PLXNA4: variants seen among roughly 807,000 people sequenced by gnomAD.
The protein encoded by PLXNA4 is plexin-A4.
PLXNA4 carries 44 observed loss-of-function variants against 191.8 expected under a neutral mutation model. The ratio of observed to expected loss-of-function variants is 0.23; its 90% CI spans 0.18 to 0.29. The LOEUF is 0.29. PLXNA4 is among the 10% of genes least tolerant of loss of function. The pLI is 1.00. For missense variants in PLXNA4, 1,800 were observed against 2,488.8 expected, an observed-to-expected ratio of 0.72 and a Z score of 5.89; for synonymous variants, 1,082 against 1,009.5, an observed-to-expected ratio of 1.07 and a Z score of -1.36.
rs564403627 is a variant in PLXNA4 at position 132,371,756 on chromosome 7, G to T, written c.1372-73534C>A. 7.6e-4 allele frequency among the ~76,000 whole-genome samples: 116 copies of T among 152,258 alleles called. 2 individuals are homozygous for T. Among genetic ancestry groups the T allele is most frequent in the Non-Finnish European group, 1.4e-3 (96 of 68,010 alleles). ...AACTCCTTTATCAAAGCCCATGGCT[G>T]GGCCTCTCTGATCAGCCCCTGCCTC... On this transcript the variant is annotated intron_variant, in intron 3 of 31. Transcript: ENST00000321063.
chr7:132,222,972 G>T (rs1015025040), intron 9 of PLXNA4, among the ~76,000 whole-genome samples: 5 of 152,298 alleles, frequency 3.3e-5, no homozygotes, highest in Middle Eastern at 3.4e-3. Flanking sequence ...GTTGGCCTAG[G>T]GTGGAACAGA....
chr7:132,147,928 G>C lies in PLXNA4; in HGVS notation c.4836C>G (p.Thr1612=). The change falls in exon 27 of 32, where the codon ACC becomes ACG. Residue 1612 remains threonine, a synonymous_variant. Transcript: ENST00000321063. The part of the protein sequence containing the change: ...VTAYNAVNNS[T]VSRTSASKYE... Reference sequence around the variant, plus strand: ...ATTTACTTGCTGAGGTCCTGGAGACGGTGGAGTTGTTCACTGCGTTATAGG... The same window carrying C: ...ATTTACTTGCTGAGGTCCTGGAGACCGTGGAGTTGTTCACTGCGTTATAGG... 5 of 1,614,130 alleles carry C rather than the reference G, an allele frequency of 3.1e-6. No individual in the cohort carries two copies. Among genetic ancestry groups the C allele is most frequent in the Non-Finnish European group, 4.2e-6 (5 of 1,180,028 alleles).
intron 3 of PLXNA4, among the ~76,000 whole-genome samples, chr7:132,386,632 T>C (rs1805155347): frequency 6.6e-6 from 1 of 152,202 alleles, no homozygotes; most frequent in Non-Finnish European, 1.5e-5. Context: ...CTCTCGTTAG[T>C]CAGCCTTTCC....
At chr7:132,379,260 G>T (rs1046468293) in intron 3 of PLXNA4, among the ~76,000 whole-genome samples, 3 of 152,172 alleles carry the variant, frequency 2.0e-5, no homozygotes, top group Non-Finnish European at 4.4e-5. Context: ...TGTGGGCAAG[G>T]GTGGCTGTGT....
intron 19 of PLXNA4, 65 bp downstream of exon 19, chr7:132,180,521 G>A: frequency 6.3e-7 from 1 of 1,595,780 alleles, no homozygotes; most frequent in African/African-American, 1.3e-5. Flanking sequence ...AAGCCTTGGT[G>A]GCCTGAGCTC....
intron 2 of PLXNA4, among the ~76,000 whole-genome samples, chr7:132,592,580 T>A (rs1329155388): frequency 6.6e-6 from 1 of 151,822 alleles, no homozygotes; most frequent in African/African-American, 2.4e-5. Context: ...TAAATTCTCG[T>A]TTAACGATTT....
At chr7:132,316,472 C>T (rs1801948744) in intron 3 of PLXNA4, among the ~76,000 whole-genome samples, 1 of 152,200 alleles carries the variant, frequency 6.6e-6, no homozygotes, top group African/African-American at 2.4e-5. Flanking sequence ...CCTAAACTCT[C>T]ACAAACTTCC....
intron 28 of PLXNA4, 182 bp from the exon 29 acceptor site, chr7:132,145,470 A>G (rs368866358): frequency 2.8e-5 from 22 of 788,444 alleles, no homozygotes; most frequent in East Asian, 2.2e-4. Flanking sequence ...TAACAGCTTT[A>G]AATTTCCCCT....
At chr7:132,577,566 GCCGCCGC>G (rs1802308186), upstream of PLXNA4, among the ~76,000 whole-genome samples, 1 of 151,898 alleles carries the variant, frequency 6.6e-6, no homozygotes, top group Admixed American at 6.6e-5. Flanking sequence ...GCTCCCACCC[GCCGCCGC>G]CCGGCTTGCC....
intron 31 of PLXNA4, 81 bp downstream of exon 31, chr7:132,132,968 C>A (rs1489041808): frequency 6.5e-7 from 1 of 1,539,480 alleles, no homozygotes; most frequent in Non-Finnish European, 8.8e-7. Flanking sequence ...TGGCGATGAT[C>A]TCTTATACGG....
At chr7:132,223,700 G>T in intron 8 of PLXNA4, 59 bp from the exon 9 acceptor site, 1 of 1,385,688 alleles carries the variant, frequency 7.2e-7, no homozygotes, top group Non-Finnish European at 1.0e-6. Flanking sequence ...AAAGCAGAGG[G>T]CTTGAGTCTC....
chr7:132,388,872 G>C (rs930526977), intron 3 of PLXNA4, among the ~76,000 whole-genome samples: 3 of 152,194 alleles, frequency 2.0e-5, no homozygotes, highest in Admixed American at 2.0e-4. Flanking sequence ...CCTCAAAGCA[G>C]GGCTTCTTTC....
At chr7:132,425,193 G>A (rs1484165983) in intron 3 of PLXNA4, among the ~76,000 whole-genome samples, 3 of 152,148 alleles carry the variant, frequency 2.0e-5, no homozygotes, top group South Asian at 2.1e-4. Context: ...AGATAATAAG[G>A]GGGAAAGTTT....
intron 13 of PLXNA4, among the ~76,000 whole-genome samples, chr7:132,196,021 T>C (rs1236249804): frequency 1.3e-5 from 2 of 152,214 alleles, no homozygotes; most frequent in African/African-American, 4.8e-5. Flanking sequence ...ATGTTTGGTG[T>C]TTGAAACAAA....
chr7:132,296,265 T>C (rs932032841), intron 4 of PLXNA4, among the ~76,000 whole-genome samples: 3 of 152,098 alleles, frequency 2.0e-5, no homozygotes, highest in African/African-American at 7.2e-5. Context: ...CAAGCCTGAA[T>C]GGACAGTGAC....
chr7:132,310,672 T>C (rs1175903938), intron 3 of PLXNA4, among the ~76,000 whole-genome samples: 1 of 152,196 alleles, frequency 6.6e-6, no homozygotes, highest in Non-Finnish European at 1.5e-5. Flanking sequence ...CCAGGCACTG[T>C]TCTGCAATTT....
chr7:132,575,922 T>C (rs1300058308), intron 1 of PLXNA4, among the ~76,000 whole-genome samples: 1 of 152,082 alleles, frequency 6.6e-6, no homozygotes, highest in Non-Finnish European at 1.5e-5. Flanking sequence ...CAAATATGCG[T>C]CCGAATATCT....
chr7:132,258,777 C>G (rs1799520888), intron 4 of PLXNA4, among the ~76,000 whole-genome samples: 2 of 152,166 alleles, frequency 1.3e-5, no homozygotes, highest in Non-Finnish European at 2.9e-5. Flanking sequence ...CTGCACTAAC[C>G]TAATTCTAGG....
At chr7:132,276,723 G>C (rs910712198) in intron 4 of PLXNA4, among the ~76,000 whole-genome samples, 8 of 152,200 alleles carry the variant, frequency 5.3e-5, no homozygotes, top group Non-Finnish European at 1.2e-4. Context: ...GGGGAAAAAG[G>C]ATGGAGAGGA....
Sources: gnomAD v4.1 joint callset for allele counts (sites outside exome capture counted in the v4.1 genomes callset) on GRCh38, gnomAD v4.1.1 for gene constraint, MANE v1.5 for transcripts, NCBI Gene and HGNC (gene_info 2026-07-23, HGNC 2026-07-21) for gene names.